Variants in NOX4 observed in about 807,000 individuals in gnomAD.
NOX4 encodes NADPH oxidase 4, also known as kidney oxidase-1.
In NOX4, 69 loss-of-function variants were observed where a neutral mutation model predicts 87.6. The ratio of observed to expected loss-of-function variants is 0.79; its 90% CI spans 0.65 to 0.96. The LOEUF (loss-of-function observed/expected upper bound fraction) is 0.96. Ranked by LOEUF, NOX4 falls within the 40% of genes least tolerant of loss-of-function variation. The pLI is 0.00. For synonymous variants in NOX4, 275 were observed against 238.2 expected (o/e 1.15, Z -1.42); for missense variants, 680 against 681.5 (o/e 1.00, Z 0.02).
intron 2 of NOX4, among the ~76,000 whole-genome samples, chr11:89,460,038 C>A (rs1253268790): frequency 6.6e-6 from 1 of 152,098 alleles, no homozygotes; most frequent in Non-Finnish European, 1.5e-5. Flanking sequence ...TTTGACAAAC[C>A]TGACAAAAAC....
the NOX4 span, chr11:89,548,575 G>A: frequency 6.6e-6 from 1 of 152,204 alleles, no homozygotes; most frequent in African/African-American, 2.4e-5. Flanking sequence ...TGAGGAAGGT[G>A]TACTGGGACC....
intron 11 of NOX4, among the ~76,000 whole-genome samples, chr11:89,388,670 C>T (rs1465534935): frequency 1.3e-5 from 2 of 152,174 alleles, no homozygotes; most frequent in Admixed American, 6.6e-5. Flanking sequence ...GTCATTCATC[C>T]TTAAGGCTAG....
chr11:89,453,920 C>T (rs1283184961), intron 2 of NOX4, among the ~76,000 whole-genome samples: 2 of 152,084 alleles, frequency 1.3e-5, no homozygotes, highest in East Asian at 3.9e-4. Flanking sequence ...GATGAATGAA[C>T]AAACATTTGA....
chr11:89,556,431 G>A, the NOX4 span, among the ~76,000 whole-genome samples: 1 of 151,752 alleles, frequency 6.6e-6, no homozygotes, highest in African/African-American at 2.4e-5. Flanking sequence ...GCTTAGGCAG[G>A]AGAATGGCTT....
intron 2 of NOX4, among the ~76,000 whole-genome samples, chr11:89,470,929 A>G (rs1037216465): frequency 1.3e-5 from 2 of 152,026 alleles, no homozygotes; most frequent in African/African-American, 2.4e-5. Context: ...TATCCCTTCT[A>G]TTTGTATTGG....
exon 1 of NOX4, chr11:89,498,060 A>T (rs957564173): frequency 4.6e-5 from 7 of 152,156 alleles, no homozygotes; most frequent in African/African-American, 1.7e-4. Context: ...AGGCCCATGT[A>T]GACTCTTCCC....
chr11:89,561,834 C>A, the NOX4 span, among the ~76,000 whole-genome samples: 1 of 152,036 alleles, frequency 6.6e-6, no homozygotes, highest in African/African-American at 2.4e-5. Flanking sequence ...AAAAGGGGAG[C>A]AGAATTGGAA....
chr11:89,338,102 G>C (rs1367762395), intron 15 of NOX4, among the ~76,000 whole-genome samples: 1 of 151,846 alleles, frequency 6.6e-6, no homozygotes, highest in South Asian at 2.1e-4. Context: ...CCCCCTCCCC[G>C]AAGGCTTTGG....
intron 12 of NOX4, among the ~76,000 whole-genome samples, chr11:89,366,006 T>A (rs1441301384): frequency 1.3e-5 from 2 of 152,072 alleles, no homozygotes; most frequent in African/African-American, 2.4e-5. Context: ...AAATGAGTAC[T>A]TAAAAATGTT....
the NOX4 span, among the ~76,000 whole-genome samples, chr11:89,575,337 T>C: frequency 6.6e-6 from 1 of 152,336 alleles, no homozygotes; most frequent in South Asian, 2.1e-4. Context: ...TTTTGTGTGA[T>C]GATGCCAAGA....
the NOX4 span, among the ~76,000 whole-genome samples, chr11:89,568,697 G>A: frequency 1.3e-5 from 2 of 152,004 alleles, no homozygotes; most frequent in Non-Finnish European, 2.9e-5. Flanking sequence ...AATTTATAGG[G>A]AACCAAAATA....
the NOX4 span, among the ~76,000 whole-genome samples, chr11:89,577,988 C>T: frequency 6.6e-6 from 1 of 151,962 alleles, no homozygotes; most frequent in Non-Finnish European, 1.5e-5. Flanking sequence ...TGGAACTCTG[C>T]ATGGTGAGGT....
the NOX4 span, among the ~76,000 whole-genome samples, chr11:89,583,417 T>C: frequency 1.1e-4 from 16 of 152,180 alleles, no homozygotes; most frequent in Admixed American, 8.5e-4. Context: ...AGTAATCTTA[T>C]AACTCTTTAA....
chr11:89,479,836 A>G (rs908138005), intron 2 of NOX4, among the ~76,000 whole-genome samples: 2 of 152,166 alleles, frequency 1.3e-5, no homozygotes, highest in African/African-American at 4.8e-5. Context: ...GTTTTATTAT[A>G]TCACAAACTT....
the NOX4 span, among the ~76,000 whole-genome samples, chr11:89,584,403 A>T: frequency 1.3e-5 from 2 of 152,120 alleles, no homozygotes; most frequent in Non-Finnish European, 2.9e-5. Flanking sequence ...GTTTTGCACC[A>T]TAATCAACCT....
the NOX4 span, among the ~76,000 whole-genome samples, chr11:89,506,272 AG>A: frequency 2.2e-5 from 3 of 137,180 alleles, no homozygotes; most frequent in African/African-American, 8.2e-5. Context: ...AGAGAAAGAA[AG>A]AAAAAGAAAG....
At position 89,423,944 on chromosome 11, in the gene NOX4, G is replaced by A. The variant is rs576814342; in HGVS notation, c.549-1962C>T. Among the ~76,000 whole-genome samples, 6 of 152,042 alleles carry A rather than the reference G, an allele frequency of 3.9e-5. No individual in the cohort carries two copies. The South Asian group carries it at 1.2e-3, about 32-fold the overall frequency. ...AAATTAGGCATGGTGGTGTGTGTTC[G>A]TGATCCTAGCTACTAGGGAGGCTGA... On this transcript the variant is annotated intron_variant, in intron 7 of 17. Transcript: ENST00000263317.
At chr11:89,530,545 GGTTGCACTAT>G in the NOX4 span, among the ~76,000 whole-genome samples, 10 of 150,236 alleles carry the variant, frequency 6.7e-5, no homozygotes, top group African/African-American at 2.2e-4. Flanking sequence ...GTAGACATGG[GGTTGCACTAT>G]GTTGGTCAGG....
Position 89,391,758 on chromosome 11 carries a change from A to G in NOX4, c.1074+8259T>C, listed in dbSNP as rs1371062185. On this transcript the variant is annotated intron_variant, in intron 11 of 17. Coordinates refer to ENST00000263317, the MANE Select transcript of NOX4 (RefSeq NM_016931.5). ...TTGTCTCAAAAAAAAAAAAAAAAAG[A>G]AAGAAAGAAAAAAAATTAATGAGAT... 3.4e-5 allele frequency among the ~76,000 whole-genome samples: 5 copies of G among 146,596 alleles called. 1 individual carries two copies. Among genetic ancestry groups the G allele is most frequent in the African/African-American group, 1.3e-4 (5 of 39,246 alleles).
Sources: allele counts gnomAD v4.1 joint callset (sites outside exome capture counted in the v4.1 genomes callset), GRCh38; gene constraint gnomAD v4.1.1; transcripts MANE v1.5; gene names NCBI Gene and HGNC (gene_info 2026-07-23, HGNC 2026-07-21).